EGFR: variants seen among roughly 807,000 people sequenced by gnomAD.
The protein encoded by EGFR is avian erythroblastic leukemia viral (v-erb-b) oncogene homolog.
EGFR carries 58 observed loss-of-function variants against 143.0 expected under a neutral mutation model. The ratio of observed to expected loss-of-function variants is 0.41; its 90% CI spans 0.33 to 0.50. EGFR has a LOEUF of 0.50. Ranked by LOEUF, EGFR falls within the 20% of genes least tolerant of loss-of-function variation. The pLI is 0.39. For missense variants in EGFR, 1,307 were observed against 1,579.0 expected (o/e 0.83, Z 2.92); for synonymous variants, 613 against 594.4 (o/e 1.03, Z -0.45).
chr7:55,086,735 G>A (rs954475430), intron 1 of EGFR, among the ~76,000 whole-genome samples: 1 of 152,214 alleles, frequency 6.6e-6, no homozygotes, highest in Non-Finnish European at 1.5e-5. Flanking sequence ...TGATGTGGCG[G>A]CAGCTGGCAG....
Position 55,207,373 on chromosome 7 carries a change from G to C in EGFR, c.*1756G>C. On this transcript the variant is annotated 3_prime_UTR_variant, in exon 28 of 28. Transcript: ENST00000275493. ...CAAATACCCCTAAGCATCTATACTA[G>C]CCTGGTATGGGTATGAAAGATACAA... 4.5e-6 allele frequency: 1 copy of C among 222,714 alleles called. No individual in the cohort carries two copies. Among genetic ancestry groups the C allele is most frequent in the Non-Finnish European group, 9.0e-6 (1 of 111,596 alleles). 13.8% of individuals were successfully genotyped at this position (222,714 alleles called of 1,614,324 possible).
rs776899446 is a variant in EGFR, at chr7:55,201,718, C to T, written c.3115-17C>T. 3.7e-6 allele frequency: 6 copies of T among 1,614,058 alleles called. No homozygotes were observed. Among genetic ancestry groups the T allele is most frequent in the South Asian group, 1.1e-5 (1 of 91,082 alleles). On this transcript the variant is annotated splice_polypyrimidine_tract_variant and intron_variant, in intron 25 of 27. Transcript: ENST00000275493. Reference sequence around the variant, plus strand: ...GGTACAAGCATTCCATGGGCAACTTCTCTGTTTCTTTTTCAGAGTGCAACC... The same window carrying T: ...GGTACAAGCATTCCATGGGCAACTTTTCTGTTTCTTTTTCAGAGTGCAACC...
At chr7:55,128,359 C>A (rs376733407) in intron 1 of EGFR, among the ~76,000 whole-genome samples, 2 of 152,148 alleles carry the variant, frequency 1.3e-5, no homozygotes, top group Non-Finnish European at 2.9e-5. Context: ...ACTGTCATGG[C>A]GGAGCAGCTT....
In EGFR at chr7:55,061,612, A is replaced by ATGTGTGTGTG. The variant is rs1205967063; in HGVS notation, c.88+42276_88+42285dup. On this transcript the variant is annotated intron_variant, in intron 1 of 27. Coordinates refer to ENST00000275493, the MANE Select transcript of EGFR (RefSeq NM_005228.5). ...CTCCCACGGATGACGGTCTCCAGGG[A>ATGTGTGTGTG]TGTGTGTGTGTGTGTGTGTGTGTGT... is the stretch of plus-strand genomic sequence containing the variant. 6.5e-3 allele frequency among the ~76,000 whole-genome samples: 821 copies of ATGTGTGTGTG among 126,292 alleles called. 7 individuals are homozygous for ATGTGTGTGTG. Among genetic ancestry groups the ATGTGTGTGTG allele is most frequent in the East Asian group, 0.023 (101 of 4,486 alleles). 82.9% of individuals were successfully genotyped at this position (126,292 alleles called of 152,430 possible). A position where few individuals can be genotyped will look rare whatever the true frequency, so the allele number is the denominator to read the frequency against.
At chr7:55,171,306 C>G (rs1416034226) in intron 16 of EGFR, 93 bp downstream of exon 16, 1 of 1,544,106 alleles carries the variant, frequency 6.5e-7, no homozygotes, top group Non-Finnish European at 8.9e-7. Context: ...TGACTGTCCT[C>G]TGTCCTGATC....
At chr7:55,061,649 T>TGTGTGTGTGTGTGAGA (rs1432070752) in intron 1 of EGFR, among the ~76,000 whole-genome samples, 20 of 132,816 alleles carry the variant, frequency 1.5e-4, no homozygotes, top group Middle Eastern at 4.1e-3. Flanking sequence ...TGTGTGTGTG[T>TGTGTGTGTGTGTGAGA]GAGAGAGAGA....
At chr7:55,051,531 C>T (rs1412774508) in intron 1 of EGFR, among the ~76,000 whole-genome samples, 2 of 152,116 alleles carry the variant, frequency 1.3e-5, no homozygotes, top group Non-Finnish European at 2.9e-5. Flanking sequence ...AGACCCTCCC[C>T]AGATGCTGGC....
At chr7:55,102,113 C>A (rs1791869524) in intron 1 of EGFR, among the ~76,000 whole-genome samples, 1 of 152,186 alleles carries the variant, frequency 6.6e-6, no homozygotes, top group Admixed American at 6.5e-5. Flanking sequence ...CTCTGCCCTG[C>A]AGGTCCCTGT....
At position 55,201,789 on chromosome 7, in the gene EGFR, A is replaced by G. The variant is rs138332470; in HGVS notation, c.3162+7A>G. On this transcript the variant is annotated splice_region_variant and intron_variant, in intron 26 of 27. Coordinates refer to ENST00000275493, the MANE Select transcript of EGFR (RefSeq NM_005228.5). ...TTGCATTGATAGAAATGGGGTATGT[A>G]TGAACACCTTATAAGCCAGAATTTA... 8.4e-5 allele frequency: 135 copies of G among 1,614,200 alleles called. No individual in the cohort carries two copies. Among genetic ancestry groups the G allele is most frequent in the Non-Finnish European group, 1.1e-4 (130 of 1,180,008 alleles).
Position 55,103,588 on chromosome 7 carries a change from G to A in EGFR, c.89-38698G>A, listed in dbSNP as rs149661309. Among the ~76,000 whole-genome samples, 1,164 of 152,332 alleles carry A rather than the reference G, an allele frequency of 7.6e-3. 13 individuals carry two copies. Among genetic ancestry groups the A allele is most frequent in the African/African-American group, 0.026 (1,100 of 41,578 alleles). ...AGCTGGTCTAGAAGGAGCTACAGAAGGGTAATGCTTAGGGAGGGAATGATG... is the reference window on the plus strand; with the variant it reads ...AGCTGGTCTAGAAGGAGCTACAGAAAGGTAATGCTTAGGGAGGGAATGATG... On this transcript the variant is annotated intron_variant, in intron 1 of 27. Coordinates refer to ENST00000275493, the MANE Select transcript of EGFR (RefSeq NM_005228.5).
At chr7:55,020,296 C>A (rs530843190) in intron 1 of EGFR, among the ~76,000 whole-genome samples, 1 of 152,326 alleles carries the variant, frequency 6.6e-6, no homozygotes, top group South Asian at 2.1e-4. Context: ...CTCGCGGAGA[C>A]GTCCGGGTCT....
chr7:55,198,479 T>C (rs1197607777), intron 22 of EGFR, among the ~76,000 whole-genome samples: 1 of 152,176 alleles, frequency 6.6e-6, no homozygotes, highest in Non-Finnish European at 1.5e-5. Context: ...GCACTAAGCA[T>C]TTCAGTTGTA....
intron 1 of EGFR, among the ~76,000 whole-genome samples, chr7:55,129,624 G>A (rs1023289010): frequency 6.6e-6 from 1 of 152,144 alleles, no homozygotes; most frequent in Non-Finnish European, 1.5e-5. Flanking sequence ...ATTGTGCCCA[G>A]CACGGAGCTG....
At chr7:55,036,162 C>T (rs2128866490) in intron 1 of EGFR, among the ~76,000 whole-genome samples, 1 of 150,754 alleles carries the variant, frequency 6.6e-6, no homozygotes, top group East Asian at 2.0e-4. Context: ...ATGGGGAGAT[C>T]CACTGATTCG....
chr7:55,024,182 G>T (rs895315434), intron 1 of EGFR, among the ~76,000 whole-genome samples: 1 of 152,208 alleles, frequency 6.6e-6, no homozygotes, highest in Non-Finnish European at 1.5e-5. Context: ...AATATTGGGG[G>T]TGTGTTTACT....
rs61541412 is a variant in EGFR, at chr7:55,196,178, A to ATTTTTTTTTTTTTTTTTTTTTT, written c.2702-2524_2702-2523insTTTTTTTTTTTTTTTTTTTTTT. Among the ~76,000 whole-genome samples the ATTTTTTTTTTTTTTTTTTTTTT allele has an allele frequency of 5.8e-3, 514 of 88,020 alleles. 11 individuals carry two copies. Among genetic ancestry groups the ATTTTTTTTTTTTTTTTTTTTTT allele is most frequent in the Middle Eastern group, 0.013 (1 of 80 alleles). The allele number at this position is 88,020 out of a possible 152,430, so 57.7% of individuals were successfully genotyped here. A position where few individuals can be genotyped will look rare whatever the true frequency, so the allele number is the denominator to read the frequency against. On this transcript the variant is annotated intron_variant, in intron 22 of 27. Coordinates refer to ENST00000275493, the MANE Select transcript of EGFR (RefSeq NM_005228.5). ...CACAACCTCACCAGCATGTGTTGGG[A>ATTTTTTTTTTTTTTTTTTTTTT]TTTTTTTTTTTTTTTACTTTTCAAT...
At chr7:55,163,520 T>G (rs540935680) in intron 13 of EGFR, among the ~76,000 whole-genome samples, 1 of 152,356 alleles carries the variant, frequency 6.6e-6, no homozygotes, top group Non-Finnish European at 1.5e-5. Context: ...GCAGAAAAGA[T>G]ATCTTGATTA....
intron 19 of EGFR, among the ~76,000 whole-genome samples, chr7:55,177,832 C>T (rs1786665744): frequency 6.6e-6 from 1 of 152,248 alleles, no homozygotes; most frequent in Admixed American, 6.5e-5. Flanking sequence ...TGTGGAATAC[C>T]AAGCATGCTT....
intron 16 of EGFR, among the ~76,000 whole-genome samples, chr7:55,172,238 C>T (rs750908843): frequency 3.3e-5 from 5 of 152,196 alleles, no homozygotes; most frequent in African/African-American, 4.8e-5. Context: ...ACTCTTGTGG[C>T]GCCCTATGGA....
Sources: gnomAD v4.1 joint callset for allele counts (sites outside exome capture counted in the v4.1 genomes callset) on GRCh38, gnomAD v4.1.1 for gene constraint, MANE v1.5 for transcripts, NCBI Gene and HGNC (gene_info 2026-07-23, HGNC 2026-07-21) for gene names.